Variants in GLIS3 observed in about 807,000 individuals in gnomAD.
GLIS3 encodes GLIS family zinc finger 3, also known as zinc finger protein GLIS3.
GLIS3 carries 53 observed loss-of-function variants against 78.6 expected under a neutral mutation model. The observed-to-expected ratio is 0.67, with a 90% CI of 0.54 to 0.85. The LOEUF (loss-of-function observed/expected upper bound fraction) is 0.85, where lower values mean the gene tolerates loss of function less well. Ranked by LOEUF, GLIS3 falls within the 40% of genes least tolerant of loss-of-function variation. GLIS3 has a pLI of 0.00. For synonymous variants in GLIS3, 684 were observed against 509.9 expected, an observed-to-expected ratio of 1.34 and a Z score of -4.60; for missense variants, 1,703 against 1,231.1, an observed-to-expected ratio of 1.38 and a Z score of -5.74.
chr9:3,980,191 A>T (rs72685672), intron 4 of GLIS3, among the ~76,000 whole-genome samples: 14,398 of 152,098 alleles, frequency 0.095, 752 homozygotes, highest in Middle Eastern at 0.15. Context: ...AAAGAAAAAA[A>T]TTTTTTTCCA....
At chr9:3,884,160 A>G (rs754396342) in intron 7 of GLIS3, among the ~76,000 whole-genome samples, 1 of 152,160 alleles carries the variant, frequency 6.6e-6, no homozygotes, top group African/African-American at 2.4e-5. Flanking sequence ...TCTTTGTCCA[A>G]ATGAAAACCA....
the GLIS3 span, among the ~76,000 whole-genome samples, chr9:4,478,582 G>A: frequency 6.6e-6 from 1 of 151,380 alleles, no homozygotes; most frequent in African/African-American, 2.4e-5. Flanking sequence ...CTGCATTCCA[G>A]CCTGGGCGAC....
chr9:4,116,790 T>A (rs1290636687), intron 4 of GLIS3, among the ~76,000 whole-genome samples: 1 of 152,254 alleles, frequency 6.6e-6, no homozygotes, highest in Non-Finnish European at 1.5e-5. Flanking sequence ...ATCCAGGGAA[T>A]ATATAGAAAT....
At chr9:4,188,676 C>T (rs1211011745) in intron 2 of GLIS3, among the ~76,000 whole-genome samples, 1 of 152,144 alleles carries the variant, frequency 6.6e-6, no homozygotes, top group Non-Finnish European at 1.5e-5. Flanking sequence ...ATTTCAGAGC[C>T]TGTTATTGGT....
intron 9 of GLIS3, among the ~76,000 whole-genome samples, chr9:3,842,635 T>TG (rs1157166658): frequency 8.5e-5 from 13 of 152,136 alleles, no homozygotes; most frequent in Non-Finnish European, 1.6e-4. Context: ...TTACCAGGGT[T>TG]GGGGGGCATC....
intron 2 of GLIS3, among the ~76,000 whole-genome samples, chr9:4,319,982 G>A (rs202072936): frequency 6.8e-5 from 8 of 117,114 alleles, no homozygotes; most frequent in South Asian, 3.3e-4. Context: ...AGTAGAGGGG[G>A]TTGTGTGTGT....
chr9:4,032,122 C>G (rs1406634056), intron 4 of GLIS3, among the ~76,000 whole-genome samples: 2 of 152,186 alleles, frequency 1.3e-5, no homozygotes, highest in African/African-American at 4.8e-5. Context: ...CACCGTCAGG[C>G]AGATCTAAGT....
chr9:3,955,377 A>C (rs769608879), intron 4 of GLIS3, among the ~76,000 whole-genome samples: 4 of 152,224 alleles, frequency 2.6e-5, no homozygotes, highest in Non-Finnish European at 4.4e-5. Context: ...TTATTGAAAA[A>C]GAGAAAGAGA....
chr9:4,017,035 C>T (rs570550251), intron 4 of GLIS3, among the ~76,000 whole-genome samples: 5 of 152,334 alleles, frequency 3.3e-5, no homozygotes, highest in African/African-American at 7.2e-5. Flanking sequence ...TGCCTGTCAT[C>T]TGGTCCTGAG....
chr9:4,140,458 G>A (rs1464624683), intron 2 of GLIS3, among the ~76,000 whole-genome samples: 2 of 152,192 alleles, frequency 1.3e-5, no homozygotes, highest in South Asian at 2.1e-4. Flanking sequence ...TTCTGCATGG[G>A]CTTGCAAGTC....
chr9:4,142,091 A>G (rs1411557031), intron 2 of GLIS3, among the ~76,000 whole-genome samples: 2 of 152,236 alleles, frequency 1.3e-5, no homozygotes, highest in African/African-American at 4.8e-5. Flanking sequence ...AGAACAGAGT[A>G]GGTGCTCACT....
intron 4 of GLIS3, among the ~76,000 whole-genome samples, chr9:3,985,553 G>A (rs908443807): frequency 6.6e-6 from 1 of 152,210 alleles, no homozygotes; most frequent in Non-Finnish European, 1.5e-5. Context: ...TTTGGGCCCA[G>A]AAAGCAGATG....
At chr9:3,946,303 C>A (rs1240722435) in intron 4 of GLIS3, among the ~76,000 whole-genome samples, 1 of 152,158 alleles carries the variant, frequency 6.6e-6, no homozygotes, top group Non-Finnish European at 1.5e-5. Context: ...ATATACTTGG[C>A]AAGTGATTGT....
At chr9:3,830,695 G>C (rs1335343807) in intron 9 of GLIS3, among the ~76,000 whole-genome samples, 1 of 152,168 alleles carries the variant, frequency 6.6e-6, no homozygotes, top group Admixed American at 6.5e-5. Context: ...CATGGACTTT[G>C]GACCCTTATT....
the GLIS3 span, among the ~76,000 whole-genome samples, chr9:4,396,629 G>C: frequency 5.9e-5 from 9 of 152,188 alleles, no homozygotes; most frequent in African/African-American, 2.2e-4. Flanking sequence ...TGAAGTCAGT[G>C]ATTCTTAACC....
chr9:4,373,814 C>T, the GLIS3 span, among the ~76,000 whole-genome samples: 39 of 151,886 alleles, frequency 2.6e-4, no homozygotes, highest in East Asian at 7.8e-4. Flanking sequence ...ATTACAGATG[C>T]GCACAACCAC....
chr9:4,174,526 G>C (rs1371012644), intron 2 of GLIS3, among the ~76,000 whole-genome samples: 5 of 152,118 alleles, frequency 3.3e-5, no homozygotes, highest in Admixed American at 6.5e-5. Context: ...AAAAGAAAAA[G>C]AGGATTTGGA....
the GLIS3 span, among the ~76,000 whole-genome samples, chr9:4,361,859 T>A: frequency 6.6e-6 from 1 of 152,190 alleles, no homozygotes; most frequent in East Asian, 1.9e-4. Flanking sequence ...CTTTCCCCAA[T>A]GGTAAAGGGA....
intron 4 of GLIS3, among the ~76,000 whole-genome samples, chr9:3,938,903 A>G (rs1588271825): frequency 6.6e-6 from 1 of 152,188 alleles, no homozygotes; most frequent in Admixed American, 6.5e-5. Context: ...ATTAAACCCC[A>G]ACTCATTGCT....
Sources: allele counts gnomAD v4.1 joint callset (sites outside exome capture counted in the v4.1 genomes callset), GRCh38; gene constraint gnomAD v4.1.1; transcripts MANE v1.5; gene names NCBI Gene and HGNC (gene_info 2026-07-23, HGNC 2026-07-21).